Variants in CELF2 observed in about 807,000 individuals in gnomAD.
The protein encoded by CELF2 is CUGBP Elav-like family member 2.
In CELF2, 8 loss-of-function variants were observed where a neutral mutation model predicts 62.6. The ratio of observed to expected loss-of-function variants is 0.13; its 90% CI spans 0.07 to 0.23. CELF2 has a LOEUF of 0.23. Among genes scored for constraint, CELF2 ranks in the 10% least tolerant of loss-of-function variants. CELF2 has a pLI of 1.00. For missense variants in CELF2, 333 were observed against 671.0 expected, an observed-to-expected ratio of 0.50 and a Z score of 5.56; for synonymous variants, 258 against 250.0, an observed-to-expected ratio of 1.03 and a Z score of -0.30.
At chr10:10,501,611 T>C in the CELF2 span, among the ~76,000 whole-genome samples, 385 of 152,324 alleles carry the variant, frequency 2.5e-3, 2 homozygotes, top group Middle Eastern at 6.8e-3. Flanking sequence ...TGTTGGTATA[T>C]ACAAGTGCAA....
At chr10:11,277,131 A>G (rs1315045690) in intron 8 of CELF2, among the ~76,000 whole-genome samples, 2 of 152,180 alleles carry the variant, frequency 1.3e-5, no homozygotes, top group Non-Finnish European at 2.9e-5. Flanking sequence ...GATACCTTGC[A>G]TTTATAGGGA....
chr10:10,936,897 CGG>C lies in CELF2; in HGVS notation c.89+16901_89+16902del, dbSNP rs2046456489. 6.6e-6 allele frequency among the ~76,000 whole-genome samples: 1 copy of C among 151,994 alleles called. No individual in the cohort carries two copies. Among genetic ancestry groups the C allele is most frequent in the African/African-American group, 2.4e-5 (1 of 41,378 alleles). ...ATTCTGTATTTCTGACAAGCTCCCA[CGG>C]GGTTTCTGATGATTCTGGTCCTCAG... On this transcript the variant is annotated intron_variant, in intron 2 of 13. Coordinates refer to the CELF2 transcript ENST00000636488. This position sits in a 1 kb window ranked among gnomAD's most constrained non-coding sequence, Gnocchi z 4.0.
chr10:11,093,905 C>T (rs1387674348), intron 1 of CELF2, among the ~76,000 whole-genome samples: 1 of 152,226 alleles, frequency 6.6e-6, no homozygotes, highest in African/African-American at 2.4e-5. Context: ...ATTAACTCTT[C>T]TAAGGTTGAG....
chr10:10,489,909 AGGGT>A, the CELF2 span, among the ~76,000 whole-genome samples: 1 of 148,110 alleles, frequency 6.8e-6, no homozygotes. Context: ...GTTTGGGGGG[AGGGT>A]GGGTGGATTT....
Position 11,332,865 on chromosome 10 carries a change from G to A in CELF2, c.*3812G>A, listed in dbSNP as rs1233705863. The A allele has an allele frequency of 1.3e-5, 2 of 152,598 alleles. No individual in the cohort carries two copies. The highest frequency in any genetic ancestry group is 2.9e-5 in the Non-Finnish European group (2 of 68,036). The allele number at this position is 152,598 out of a possible 1,614,324, so 9.5% of individuals were successfully genotyped here. On this transcript the variant is annotated 3_prime_UTR_variant, in exon 13 of 13. Coordinates refer to ENST00000633077, the MANE Select transcript of CELF2 (RefSeq NM_001326342.2). The stretch of plus-strand genomic sequence containing the variant: ...GCTGGGGCCTTCCTTCATCCTCTGA[G>A]GGCTATTTTGTACTTTCTGCAGCAA...
chr10:10,821,994 C>T (rs1052057165), intron 1 of CELF2, among the ~76,000 whole-genome samples: 2 of 152,158 alleles, frequency 1.3e-5, no homozygotes, highest in Non-Finnish European at 2.9e-5. Flanking sequence ...CTTGGGGCAT[C>T]GGTGGCCAAC....
the CELF2 span, among the ~76,000 whole-genome samples, chr10:10,712,147 CAAAAAAAAAAAA>C: frequency 7.4e-4 from 32 of 43,426 alleles, 1 homozygote; most frequent in South Asian, 5.0e-3. Flanking sequence ...AGGATAGAGA[CAAAAAAAAAAAA>C]AAAAAAAAAA....
the CELF2 span, among the ~76,000 whole-genome samples, chr10:10,638,231 T>C: frequency 6.6e-6 from 1 of 152,346 alleles, no homozygotes; most frequent in East Asian, 1.9e-4. Context: ...AAAAAATTCA[T>C]GGGTCCTTTT....
At chr10:10,576,527 A>G in the CELF2 span, among the ~76,000 whole-genome samples, 1 of 152,200 alleles carries the variant, frequency 6.6e-6, no homozygotes, top group Non-Finnish European at 1.5e-5. Flanking sequence ...TTGCATTAAG[A>G]ACCCGATGGT....
chr10:11,231,433 G>C (rs2068603141), intron 3 of CELF2, among the ~76,000 whole-genome samples: 1 of 152,202 alleles, frequency 6.6e-6, no homozygotes, highest in Admixed American at 6.5e-5. Flanking sequence ...ACAGGAAGCA[G>C]AGTGGGGCAA....
the CELF2 span, among the ~76,000 whole-genome samples, chr10:10,600,355 A>G: frequency 1.3e-5 from 2 of 152,204 alleles, no homozygotes; most frequent in South Asian, 4.1e-4. Flanking sequence ...TGTTTTGAAG[A>G]CCACAGGACT....
In CELF2 at chr10:11,285,833, G is replaced by A. The variant is rs1455431239; in HGVS notation, c.842-2585G>A. Among the ~76,000 whole-genome samples, 1 of 15,430 alleles carries A rather than the reference G, an allele frequency of 6.5e-5. No homozygotes were observed. Among genetic ancestry groups the A allele is most frequent in the African/African-American group, 2.2e-4 (1 of 4,576 alleles). The allele number at this position is 15,430 out of a possible 152,430, so 10.1% of individuals were successfully genotyped here. On this transcript the variant is annotated intron_variant, in intron 8 of 12. Coordinates refer to ENST00000633077, the MANE Select transcript of CELF2 (RefSeq NM_001326342.2). The surrounding 1 kb of genome is among the most constrained non-coding windows in gnomAD (Gnocchi z 4.3). ...TCACCTACTATATATATTGGTGTGTGTGTGTGTGTGTGTGTGTGTGTGTGT... is the reference window on the plus strand; with the variant it reads ...TCACCTACTATATATATTGGTGTGTATGTGTGTGTGTGTGTGTGTGTGTGT...
In CELF2 at chr10:11,118,971, T is replaced by A. The variant is rs1222953107; in HGVS notation, c.75-46515T>A. 4.6e-5 allele frequency among the ~76,000 whole-genome samples: 7 copies of A among 152,240 alleles called. No individual in the cohort carries two copies. In the East Asian group the frequency reaches 1.3e-3, roughly 29 times the overall value. On this transcript the variant is annotated intron_variant, in intron 1 of 12. Coordinates refer to ENST00000633077, the MANE Select transcript of CELF2 (RefSeq NM_001326342.2). ...CTGCTCCCCTGCCAGTCTCCGATGGTGACTTCATCAGGAAAGGTGAGCCAG... is the reference window on the plus strand; with the variant it reads ...CTGCTCCCCTGCCAGTCTCCGATGGAGACTTCATCAGGAAAGGTGAGCCAG...
Position 11,237,238 on chromosome 10 carries a change from G to C in CELF2, c.355-11915G>C, listed in dbSNP as rs1367985138. On this transcript the variant is annotated intron_variant, in intron 3 of 12. Transcript: ENST00000633077. The surrounding 1 kb of genome is among the most constrained non-coding windows in gnomAD (Gnocchi z 4.0). Reference sequence around the variant, plus strand: ...AGAGAGCTAAACTGAGGATTTCAAGGGGTAGAAAATTAAGCAAATTTAGAG... The same window carrying C: ...AGAGAGCTAAACTGAGGATTTCAAGCGGTAGAAAATTAAGCAAATTTAGAG... Among the ~76,000 whole-genome samples, 2 of 152,290 alleles carry C rather than the reference G, an allele frequency of 1.3e-5. No individual in the cohort carries two copies. The highest frequency in any genetic ancestry group is 3.9e-4 in the East Asian group (2 of 5,184).
intron 8 of CELF2, among the ~76,000 whole-genome samples, chr10:11,284,502 G>GTGGATGAGGGATGAGTGTGGTGGGT (rs371512630): frequency 2.6e-5 from 1 of 38,110 alleles, no homozygotes; most frequent in East Asian, 9.9e-4. Flanking sequence ...TGTGTGGTGG[G>GTGGATGAGGGATGAGTGTGGTGGGT]GGATGAGGGA....
the CELF2 span, among the ~76,000 whole-genome samples, chr10:10,663,286 G>A: frequency 1.3e-5 from 2 of 152,158 alleles, no homozygotes; most frequent in African/African-American, 2.4e-5. Context: ...AGAAGCAAGC[G>A]GCTACAAGTT....
chr10:10,661,541 C>T, the CELF2 span, among the ~76,000 whole-genome samples: 1 of 152,116 alleles, frequency 6.6e-6, no homozygotes, highest in Non-Finnish European at 1.5e-5. Flanking sequence ...GGATATATAC[C>T]TAGGAGTGGA....
the CELF2 span, among the ~76,000 whole-genome samples, chr10:10,678,825 G>A: frequency 7.9e-5 from 12 of 152,210 alleles, no homozygotes; most frequent in Non-Finnish European, 1.8e-4. Flanking sequence ...ATCTACTGGG[G>A]ATCTGAGCTT....
At position 10,897,341 on chromosome 10, in the gene CELF2, G is replaced by A. The variant is rs144943869; in HGVS notation, c.54-22623G>A. Among the ~76,000 whole-genome samples the A allele has an allele frequency of 3.3e-3, 499 of 152,190 alleles. 1 individual carries two copies. Among genetic ancestry groups the A allele is most frequent in the Non-Finnish European group, 4.8e-3 (327 of 67,998 alleles). On this transcript the variant is annotated intron_variant, in intron 1 of 13. Coordinates refer to the CELF2 transcript ENST00000636488. Reference sequence around the variant, plus strand: ...GTAGCTGAATTGCCTTGTAGGGTCCGGTGGAAAGTAGAAATTGTAGCAACA... The same window carrying A: ...GTAGCTGAATTGCCTTGTAGGGTCCAGTGGAAAGTAGAAATTGTAGCAACA...
Sources: allele counts gnomAD v4.1 joint callset (sites outside exome capture counted in the v4.1 genomes callset), GRCh38; gene constraint gnomAD v4.1.1; non-coding constraint Gnocchi (gnomAD v3.1); transcripts MANE v1.5; gene names NCBI Gene and HGNC (gene_info 2026-07-23, HGNC 2026-07-21).